The following RIMS2 variants were observed in gnomAD, a reference collection of about 807,000 sequenced individuals.
RIMS2 encodes regulating synaptic membrane exocytosis protein 2.
A neutral mutation model predicts 174.4 loss-of-function variants in RIMS2; 59 were observed. The observed-to-expected ratio is 0.34, with a 90% CI of 0.27 to 0.42. The LOEUF is 0.42. Ranked by LOEUF, RIMS2 falls within the 10% of genes least tolerant of loss-of-function variation. RIMS2 has a pLI of 1.00. For missense variants in RIMS2, 1,620 were observed against 1,666.3 expected (o/e 0.97, Z 0.48); for synonymous variants, 606 against 572.5 (o/e 1.06, Z -0.84).
intron 1 of RIMS2, among the ~76,000 whole-genome samples, chr8:103,667,062 A>G (rs760721964): frequency 1.8e-4 from 28 of 152,332 alleles, no homozygotes; most frequent in Admixed American, 5.9e-4. Flanking sequence ...AGTTTGGAGT[A>G]TGCCTTAGCT....
intron 2 of RIMS2, among the ~76,000 whole-genome samples, chr8:103,730,880 G>A (rs570457009): frequency 6.6e-6 from 1 of 152,256 alleles, no homozygotes; most frequent in South Asian, 2.1e-4. Context: ...GCTGATAAAT[G>A]CATATCCGAG....
chr8:103,964,286 G>A (rs987067754), intron 15 of RIMS2, among the ~76,000 whole-genome samples: 2 of 152,160 alleles, frequency 1.3e-5, no homozygotes, highest in African/African-American at 4.8e-5. Flanking sequence ...ATGAATGAGA[G>A]TTCCTGTTGA....
chr8:104,019,655 T>C (rs2096032106), intron 19 of RIMS2, among the ~76,000 whole-genome samples: 1 of 152,180 alleles, frequency 6.6e-6, no homozygotes, highest in African/African-American at 2.4e-5. Context: ...TCTAGACATG[T>C]AGAATTGCTT....
At chr8:104,234,881 G>A (rs767522919) in intron 19 of RIMS2, among the ~76,000 whole-genome samples, 5 of 152,060 alleles carry the variant, frequency 3.3e-5, no homozygotes, top group Admixed American at 1.3e-4. Context: ...TGGCAAATCC[G>A]CAATTTTTCA....
intron 1 of RIMS2, among the ~76,000 whole-genome samples, chr8:103,551,952 G>C (rs926498264): frequency 2.0e-5 from 3 of 152,074 alleles, no homozygotes; most frequent in African/African-American, 7.2e-5. Flanking sequence ...AAATAAAAGA[G>C]GACATAAACA....
intron 2 of RIMS2, among the ~76,000 whole-genome samples, chr8:103,726,954 A>G (rs1049401452): frequency 5.3e-5 from 8 of 151,200 alleles, no homozygotes; most frequent in African/African-American, 1.4e-4. Context: ...GGCCAGGCTG[A>G]TCTTGAACTG....
At chr8:103,933,500 A>C (rs1054414582) in intron 12 of RIMS2, among the ~76,000 whole-genome samples, 2 of 152,214 alleles carry the variant, frequency 1.3e-5, no homozygotes, top group Non-Finnish European at 2.9e-5. Flanking sequence ...AATAAAAAAA[A>C]GAGTAAAAGA....
chr8:103,593,720 A>C (rs1007917657), intron 1 of RIMS2, among the ~76,000 whole-genome samples: 2 of 151,466 alleles, frequency 1.3e-5, no homozygotes, highest in Admixed American at 1.3e-4. Flanking sequence ...AAATCTTTTG[A>C]GAAATGTGAT....
At chr8:104,140,275 C>T (rs1228887948) in intron 19 of RIMS2, among the ~76,000 whole-genome samples, 1 of 151,674 alleles carries the variant, frequency 6.6e-6, no homozygotes, top group Non-Finnish European at 1.5e-5. Flanking sequence ...TAATTTTTAC[C>T]CACCATTCAA....
intron 3 of RIMS2, among the ~76,000 whole-genome samples, chr8:103,846,938 C>T (rs926655415): frequency 6.6e-6 from 1 of 152,074 alleles, no homozygotes; most frequent in African/African-American, 2.4e-5. Context: ...TTGGGAATAA[C>T]GAGTCACTCC....
chr8:103,640,579 T>G (rs1324709057), intron 1 of RIMS2, among the ~76,000 whole-genome samples: 1 of 152,060 alleles, frequency 6.6e-6, no homozygotes, highest in Admixed American at 6.6e-5. Flanking sequence ...TTCATTTAGT[T>G]AAGCATATTT....
intron 14 of RIMS2, among the ~76,000 whole-genome samples, chr8:103,959,795 C>T (rs2089249065): frequency 6.6e-6 from 1 of 152,118 alleles, no homozygotes; most frequent in Admixed American, 6.5e-5. Context: ...TAACATATTA[C>T]AGAATTGTAC....
intron 1 of RIMS2, among the ~76,000 whole-genome samples, chr8:103,626,930 A>G (rs569801754): frequency 1.4e-3 from 214 of 152,332 alleles, no homozygotes; most frequent in Middle Eastern, 3.4e-3. Flanking sequence ...ATGAGGGTCT[A>G]TGTCCCGCTG....
intron 3 of RIMS2, among the ~76,000 whole-genome samples, chr8:103,827,443 T>C (rs2098798256): frequency 6.6e-6 from 1 of 152,230 alleles, no homozygotes. Flanking sequence ...GTATTTATGC[T>C]TTTTATTTCT....
chr8:103,745,280 G>C (rs538126854), intron 2 of RIMS2, among the ~76,000 whole-genome samples: 2 of 152,180 alleles, frequency 1.3e-5, no homozygotes, highest in South Asian at 4.1e-4. Context: ...CGGCTCATCT[G>C]TGTTGTAGCA....
At chr8:103,980,561 G>A (rs927772363) in intron 16 of RIMS2, among the ~76,000 whole-genome samples, 7 of 152,066 alleles carry the variant, frequency 4.6e-5, no homozygotes, top group Non-Finnish European at 8.8e-5. Flanking sequence ...AAACTAAGGT[G>A]ACTTTGTCTT....
chr8:103,781,723 A>G (rs910266046), intron 3 of RIMS2, among the ~76,000 whole-genome samples: 6 of 121,752 alleles, frequency 4.9e-5, no homozygotes, highest in Non-Finnish European at 7.1e-5. Context: ...TCTTCCGTAT[A>G]TTATCTCCCC....
intron 1 of RIMS2, among the ~76,000 whole-genome samples, chr8:103,563,562 C>T (rs1330463088): frequency 6.6e-6 from 1 of 152,112 alleles, no homozygotes; most frequent in East Asian, 1.9e-4. Flanking sequence ...CTAGGGAGTT[C>T]CAAACTTTCC....
chr8:103,999,266 G>A (rs1272128313), intron 17 of RIMS2, among the ~76,000 whole-genome samples: 1 of 151,608 alleles, frequency 6.6e-6, no homozygotes, highest in Non-Finnish European at 1.5e-5. Flanking sequence ...TTATTTATGT[G>A]GGTTAATGTG....
Sources: gnomAD v4.1 joint callset for allele counts (sites outside exome capture counted in the v4.1 genomes callset) on GRCh38, gnomAD v4.1.1 for gene constraint, MANE v1.5 for transcripts, NCBI Gene and HGNC (gene_info 2026-07-23, HGNC 2026-07-21) for gene names.